Variants in GALNTL6 observed in about 807,000 individuals in gnomAD.
GALNTL6 encodes the protein polypeptide N-acetylgalactosaminyltransferase like 6.
GALNTL6 carries 46 observed loss-of-function variants against 73.7 expected under a neutral mutation model. That is an observed-to-expected ratio of 0.62 (90% CI 0.49 to 0.80). The LOEUF (loss-of-function observed/expected upper bound fraction) is 0.80. GALNTL6 is among the 30% of genes least tolerant of loss of function. The pLI is 0.00. For synonymous variants in GALNTL6, 259 were observed against 263.7 expected, an observed-to-expected ratio of 0.98 and a Z score of 0.17; for missense variants, 604 against 755.0, an observed-to-expected ratio of 0.80 and a Z score of 2.34.
chr4:172,270,085 A>G (rs1319408831), intron 3 of GALNTL6, among the ~76,000 whole-genome samples: 1 of 152,158 alleles, frequency 6.6e-6, no homozygotes, highest in Admixed American at 6.5e-5. Flanking sequence ...AGTGAATAAA[A>G]AGAATAAATT....
At chr4:171,972,728 T>A (rs13118897) in intron 2 of GALNTL6, among the ~76,000 whole-genome samples, 71,302 of 151,850 alleles carry the variant, frequency 0.47, 18,742 homozygotes, top group Non-Finnish European at 0.59. Flanking sequence ...TTAAAATTGC[T>A]ATCTATTAAA....
chr4:172,132,028 G>T (rs961010187), intron 2 of GALNTL6, among the ~76,000 whole-genome samples: 6 of 151,728 alleles, frequency 4.0e-5, no homozygotes, highest in African/African-American at 1.4e-4. Flanking sequence ...TGTTTGAAAT[G>T]GATAGAAAAA....
chr4:172,179,428 G>A (rs1269999776), intron 2 of GALNTL6, among the ~76,000 whole-genome samples: 1 of 134,840 alleles, frequency 7.4e-6, no homozygotes. Flanking sequence ...ATTTTTTCAT[G>A]TGTTTTTTGG....
At chr4:172,973,860 G>T (rs1375605406) in intron 10 of GALNTL6, among the ~76,000 whole-genome samples, 1 of 152,162 alleles carries the variant, frequency 6.6e-6, no homozygotes, top group East Asian at 1.9e-4. Context: ...AGGACATGCT[G>T]CATGGTATTG....
chr4:172,089,662 G>C (rs1359857039), intron 2 of GALNTL6, among the ~76,000 whole-genome samples: 1 of 152,030 alleles, frequency 6.6e-6, no homozygotes, highest in Non-Finnish European at 1.5e-5. Flanking sequence ...GTGCACTATA[G>C]TTTCTTTTCT....
intron 5 of GALNTL6, among the ~76,000 whole-genome samples, chr4:172,431,241 A>G (rs1731437164): frequency 6.6e-6 from 1 of 152,178 alleles, no homozygotes; most frequent in Non-Finnish European, 1.5e-5. Flanking sequence ...CCAATAACTA[A>G]TGAATTCAGC....
intron 2 of GALNTL6, among the ~76,000 whole-genome samples, chr4:171,894,992 G>A (rs1736868282): frequency 6.6e-6 from 1 of 152,220 alleles, no homozygotes; most frequent in Non-Finnish European, 1.5e-5. Context: ...ACAAAAATGT[G>A]TGGTGGTGGA....
At chr4:172,441,233 A>T (rs1197302386) in intron 5 of GALNTL6, among the ~76,000 whole-genome samples, 1 of 152,048 alleles carries the variant, frequency 6.6e-6, no homozygotes, top group African/African-American at 2.4e-5. Flanking sequence ...CCAAATATAC[A>T]CTCATTGATA....
At chr4:172,881,102 T>G (rs1745430094) in intron 7 of GALNTL6, among the ~76,000 whole-genome samples, 1 of 152,168 alleles carries the variant, frequency 6.6e-6, no homozygotes, top group Admixed American at 6.5e-5. Context: ...CAGTTCAGAT[T>G]AAATAAGACT....
chr4:172,014,954 C>T (rs1272891132), intron 2 of GALNTL6, among the ~76,000 whole-genome samples: 1 of 152,030 alleles, frequency 6.6e-6, no homozygotes, highest in African/African-American at 2.4e-5. Flanking sequence ...TTTATTGAGA[C>T]TCATACTGTG....
chr4:172,014,652 T>C (rs1741130290), intron 2 of GALNTL6, among the ~76,000 whole-genome samples: 1 of 152,116 alleles, frequency 6.6e-6, no homozygotes, highest in African/African-American at 2.4e-5. Flanking sequence ...ATTGTCTATT[T>C]GTGCTCTCTC....
At chr4:172,164,511 T>C (rs747939054) in intron 2 of GALNTL6, among the ~76,000 whole-genome samples, 1 of 152,068 alleles carries the variant, frequency 6.6e-6, no homozygotes, top group Non-Finnish European at 1.5e-5. Flanking sequence ...ATATACTTTA[T>C]TAGTCACCTT....
At chr4:172,012,272 C>T (rs1741034074) in intron 2 of GALNTL6, among the ~76,000 whole-genome samples, 2 of 152,168 alleles carry the variant, frequency 1.3e-5, no homozygotes, top group South Asian at 2.1e-4. Flanking sequence ...AATAGCATCT[C>T]ATGACCCATC....
intron 5 of GALNTL6, among the ~76,000 whole-genome samples, chr4:172,735,046 G>T (rs1258410383): frequency 6.6e-6 from 1 of 152,206 alleles, no homozygotes; most frequent in Non-Finnish European, 1.5e-5. Context: ...GGAAATGTGG[G>T]GTTGGAGCAC....
intron 7 of GALNTL6, among the ~76,000 whole-genome samples, chr4:172,875,707 T>C (rs954146043): frequency 6.8e-6 from 1 of 147,568 alleles, no homozygotes; most frequent in East Asian, 2.0e-4. Flanking sequence ...CCATTGTTGT[T>C]AGATCCTCCC....
intron 5 of GALNTL6, among the ~76,000 whole-genome samples, chr4:172,565,798 T>G (rs968327097): frequency 1.3e-5 from 2 of 152,316 alleles, no homozygotes; most frequent in Admixed American, 1.3e-4. Context: ...ATTGGCTTGC[T>G]TATACTCTCT....
intron 2 of GALNTL6, among the ~76,000 whole-genome samples, chr4:172,014,243 G>A (rs1003969553): frequency 1.3e-5 from 2 of 151,942 alleles, no homozygotes; most frequent in African/African-American, 2.4e-5. Flanking sequence ...GGTGAGCAGT[G>A]AGATTGCTGG....
chr4:172,520,026 A>G (rs1327493952), intron 5 of GALNTL6, among the ~76,000 whole-genome samples: 2 of 151,898 alleles, frequency 1.3e-5, no homozygotes, highest in African/African-American at 4.8e-5. Context: ...TTTCAGGAAT[A>G]TTTTATTTTT....
chr4:172,926,649 G>A (rs902628709), intron 8 of GALNTL6, among the ~76,000 whole-genome samples: 3 of 152,152 alleles, frequency 2.0e-5, no homozygotes, highest in Non-Finnish European at 4.4e-5. Flanking sequence ...ACAAAAGGCT[G>A]TGCCAACAAA....
Sources: gnomAD v4.1 joint callset for allele counts (sites outside exome capture counted in the v4.1 genomes callset) on GRCh38, gnomAD v4.1.1 for gene constraint, MANE v1.5 for transcripts, NCBI Gene and HGNC (gene_info 2026-07-23, HGNC 2026-07-21) for gene names.